Variants in ZMAT4 observed in about 807,000 individuals in gnomAD.
ZMAT4 encodes zinc finger matrin-type 4.
Under a neutral mutation model 28.7 loss-of-function variants are expected in ZMAT4, and 17 were observed. The observed-to-expected ratio is 0.59, with a 90% confidence interval of 0.41 to 0.89. The LOEUF is 0.89. ZMAT4 is among the 40% of genes least tolerant of loss of function. The pLI, the probability that ZMAT4 is intolerant of heterozygous loss-of-function variation, is 0.00. For synonymous variants in ZMAT4, 117 were observed against 109.2 expected (o/e 1.07, Z -0.44); for missense variants, 240 against 283.8 (o/e 0.85, Z 1.11).
chr8:40,834,787 G>T (rs182184493), intron 1 of ZMAT4, among the ~76,000 whole-genome samples: 2 of 152,334 alleles, frequency 1.3e-5, no homozygotes, highest in Non-Finnish European at 2.9e-5. Context: ...CCTTGCTAAG[G>T]CTCCAGTACT....
intron 6 of ZMAT4, among the ~76,000 whole-genome samples, chr8:40,566,395 A>C (rs993732786): frequency 6.6e-6 from 1 of 152,134 alleles, no homozygotes. Context: ...TTTTCCGGAC[A>C]TGTGGGTGTG....
chr8:40,862,443 A>C (rs1817529057), intron 1 of ZMAT4, among the ~76,000 whole-genome samples: 2 of 123,432 alleles, frequency 1.6e-5, no homozygotes, highest in Non-Finnish European at 1.7e-5. Flanking sequence ...GGGGGGAGGG[A>C]TAGCATTGGG....
chr8:40,770,496 C>G (rs1163107667), intron 2 of ZMAT4, among the ~76,000 whole-genome samples: 1 of 151,342 alleles, frequency 6.6e-6, no homozygotes, highest in Admixed American at 6.6e-5. Flanking sequence ...CTTCCTCCCT[C>G]CCTCCTTCCC....
At chr8:40,589,150 A>G (rs1804768033) in intron 5 of ZMAT4, among the ~76,000 whole-genome samples, 1 of 152,182 alleles carries the variant, frequency 6.6e-6, no homozygotes, top group Non-Finnish European at 1.5e-5. Context: ...ATAAGCACTG[A>G]TGTGCTTACT....
chr8:40,679,093 T>C (rs1192401505), intron 4 of ZMAT4, among the ~76,000 whole-genome samples: 1 of 152,184 alleles, frequency 6.6e-6, no homozygotes, highest in Non-Finnish European at 1.5e-5. Context: ...AGGCTTGAGC[T>C]AATTGAAGCA....
At chr8:40,539,612 T>A (rs1802962422) in intron 6 of ZMAT4, among the ~76,000 whole-genome samples, 1 of 152,220 alleles carries the variant, frequency 6.6e-6, no homozygotes, top group Non-Finnish European at 1.5e-5. Context: ...ACATCGATAA[T>A]ATCTTCCTCC....
intron 3 of ZMAT4, among the ~76,000 whole-genome samples, chr8:40,751,652 G>A (rs1042669266): frequency 1.3e-5 from 2 of 151,774 alleles, no homozygotes; most frequent in African/African-American, 4.8e-5. Flanking sequence ...TGAACTAACG[G>A]GCCTGATGTG....
intron 2 of ZMAT4, among the ~76,000 whole-genome samples, chr8:40,773,850 T>C (rs1289375191): frequency 6.8e-6 from 1 of 146,350 alleles, no homozygotes; most frequent in Admixed American, 6.8e-5. Context: ...AAAAGTAAAA[T>C]GAGAAAAAAA....
chr8:40,651,823 C>A (rs1297564821), intron 5 of ZMAT4, among the ~76,000 whole-genome samples: 1 of 132,304 alleles, frequency 7.6e-6, no homozygotes, highest in African/African-American at 2.8e-5. Context: ...CAAAAACAAG[C>A]AATGGGGAAA....
At chr8:40,788,427 T>C (rs1814177136) in intron 2 of ZMAT4, among the ~76,000 whole-genome samples, 1 of 151,940 alleles carries the variant, frequency 6.6e-6, no homozygotes, top group Non-Finnish European at 1.5e-5. Context: ...TACTAAAAAA[T>C]ACCAAAAATT....
chr8:40,709,828 G>A (rs556258196), intron 3 of ZMAT4, among the ~76,000 whole-genome samples: 1 of 152,246 alleles, frequency 6.6e-6, no homozygotes, highest in Non-Finnish European at 1.5e-5. Context: ...CACGAGGTCC[G>A]GAGTTTGAGA....
chr8:40,809,289 T>A (rs1306914524), intron 2 of ZMAT4, among the ~76,000 whole-genome samples: 2 of 26,006 alleles, frequency 7.7e-5, no homozygotes, highest in Non-Finnish European at 3.3e-4. Flanking sequence ...ACAATGGACA[T>A]AAAGATGGGA....
intron 5 of ZMAT4, among the ~76,000 whole-genome samples, chr8:40,595,180 C>T (rs1029563386): frequency 5.3e-5 from 8 of 152,128 alleles, no homozygotes; most frequent in African/African-American, 1.7e-4. Flanking sequence ...TATCAACAAC[C>T]TCTGCGAACA....
chr8:40,716,844 T>C (rs1414688885), intron 3 of ZMAT4, among the ~76,000 whole-genome samples: 2 of 152,180 alleles, frequency 1.3e-5, no homozygotes, highest in African/African-American at 4.8e-5. Flanking sequence ...GCCTTTTTAC[T>C]TTGTTAGCTG....
chr8:40,539,024 T>C (rs1035872696), intron 6 of ZMAT4, among the ~76,000 whole-genome samples: 5 of 152,134 alleles, frequency 3.3e-5, no homozygotes, highest in South Asian at 4.1e-4. Context: ...GACCTCGTGA[T>C]CCACCCGCCT....
intron 5 of ZMAT4, among the ~76,000 whole-genome samples, chr8:40,651,137 G>T (rs1351148233): frequency 6.6e-6 from 1 of 152,056 alleles, no homozygotes; most frequent in Non-Finnish European, 1.5e-5. Context: ...AAGTCAAATT[G>T]TCCCTGTTTG....
At chr8:40,585,514 T>C (rs1375684538) in intron 5 of ZMAT4, among the ~76,000 whole-genome samples, 2 of 152,120 alleles carry the variant, frequency 1.3e-5, no homozygotes, top group African/African-American at 4.8e-5. Flanking sequence ...ACCTGCACTT[T>C]ACAAAGAATA....
chr8:40,832,503 C>A (rs1300844359), intron 1 of ZMAT4, among the ~76,000 whole-genome samples: 1 of 152,198 alleles, frequency 6.6e-6, no homozygotes, highest in Non-Finnish European at 1.5e-5. Context: ...CCTTCTCCAG[C>A]CAGTCTGGGA....
At chr8:40,852,791 A>T (rs897602521) in intron 1 of ZMAT4, among the ~76,000 whole-genome samples, 2 of 152,136 alleles carry the variant, frequency 1.3e-5, no homozygotes, top group Non-Finnish European at 2.9e-5. Flanking sequence ...CCAAATGTTG[A>T]TACATTTCAT....
Sources: allele counts gnomAD v4.1 joint callset (sites outside exome capture counted in the v4.1 genomes callset), GRCh38; gene constraint gnomAD v4.1.1; transcripts MANE v1.5; gene names NCBI Gene and HGNC (gene_info 2026-07-23, HGNC 2026-07-21).